IRAG1: variants seen among roughly 807,000 people sequenced by gnomAD.
IRAG1 encodes IP3R-associated cGMP kinase substrate.
Under a neutral mutation model 106.2 loss-of-function variants are expected in IRAG1, and 62 were observed. The ratio of observed to expected loss-of-function variants is 0.58; its 90% CI spans 0.48 to 0.72. The LOEUF (loss-of-function observed/expected upper bound fraction) is 0.72. IRAG1 is among the 30% of genes least tolerant of loss of function. The probability of loss-of-function intolerance (pLI) is 0.00; values close to 1 mark genes in which losing one functional copy is unlikely to be tolerated. For missense variants in IRAG1, 1,064 were observed against 1,140.7 expected (o/e 0.93, Z 0.97); for synonymous variants, 462 against 443.9 (o/e 1.04, Z -0.51).
At chr11:10,641,394 C>T (rs1021790975) in intron 2 of IRAG1, among the ~76,000 whole-genome samples, 1 of 152,226 alleles carries the variant, frequency 6.6e-6, no homozygotes, top group Non-Finnish European at 1.5e-5. Flanking sequence ...CCACTGTGGT[C>T]ACGGCGCAAT....
At chr11:10,579,394 T>C (rs1311102522) in intron 20 of IRAG1, among the ~76,000 whole-genome samples, 1 of 152,198 alleles carries the variant, frequency 6.6e-6, no homozygotes, top group Non-Finnish European at 1.5e-5. Context: ...AGCAGCTGAT[T>C]AGATATTTTG....
At chr11:10,670,858 C>A (rs1299264076) in intron 1 of IRAG1, among the ~76,000 whole-genome samples, 1 of 152,154 alleles carries the variant, frequency 6.6e-6, no homozygotes, top group Non-Finnish European at 1.5e-5. Flanking sequence ...AGGAGAGAGG[C>A]CGCAGAAGAA....
chr11:10,591,488 TA>T, intron 18 of IRAG1, 59 bp downstream of exon 18: 1 of 1,454,302 alleles, frequency 6.9e-7, no homozygotes, highest in Non-Finnish European at 9.5e-7. Flanking sequence ...GGAAGGAAAG[TA>T]AAATGGGGAA....
chr11:10,595,361 G>T (rs887669598), intron 15 of IRAG1, among the ~76,000 whole-genome samples: 1 of 151,674 alleles, frequency 6.6e-6, no homozygotes, highest in African/African-American at 2.4e-5. Flanking sequence ...TTTATTCATT[G>T]ACTTTTTCTA....
intron 1 of IRAG1, among the ~76,000 whole-genome samples, chr11:10,656,777 T>C (rs1268734573): frequency 1.3e-5 from 2 of 152,130 alleles, no homozygotes; most frequent in African/African-American, 2.4e-5. Context: ...TAATCCAGGC[T>C]AGTCTGACTC....
Position 10,626,347 on chromosome 11 carries a change from C to G in IRAG1, c.987G>C (p.Glu329Asp). 1 of 1,613,754 alleles carries G rather than the reference C, an allele frequency of 6.2e-7. No individual in the cohort carries two copies. Among genetic ancestry groups the G allele is most frequent in the Non-Finnish European group, 8.5e-7 (1 of 1,179,796 alleles). Residue 329 changes from glutamate to aspartate, a missense_variant, in exon 9 of 21, where the codon GAG becomes GAC. Glu to Asp is a conservative substitution (Grantham distance 45, BLOSUM62 2). Transcript: ENST00000423302. ...NSPQPGPVES[E>D]LGKQLLKTGW... ...CCGTTTTCAAGAGCTGCTTCCCCAG[C>G]TCGCTCTCCACGGGGCCAGGCTGAG...
At position 10,634,792 on chromosome 11, in the gene IRAG1, GAC is replaced by G. The variant is rs1182027720; in HGVS notation, c.226-723_226-722del. Among the ~76,000 whole-genome samples, 138 of 71,458 alleles carry G rather than the reference GAC, an allele frequency of 1.9e-3. 1 individual carries two copies. Among genetic ancestry groups the G allele is most frequent in the Non-Finnish European group, 1.0e-3 (35 of 34,788 alleles). The allele number at this position is 71,458 out of a possible 152,430, so 46.9% of individuals were successfully genotyped here. ...GTGTGTGTGTGTGTGTGTGTATACA[GAC>G]ACAATATTTTATTGTGTATATATTT... is the stretch of plus-strand genomic sequence containing the variant. On this transcript the variant is annotated intron_variant, in intron 2 of 20. Transcript: ENST00000423302.
chr11:10,605,805 T>G (rs1854425043), intron 12 of IRAG1, among the ~76,000 whole-genome samples: 1 of 152,224 alleles, frequency 6.6e-6, no homozygotes, highest in Non-Finnish European at 1.5e-5. Context: ...CCGGCCTTGG[T>G]CAAGTCTATG....
chr11:10,641,421 G>C (rs992086283), intron 2 of IRAG1, among the ~76,000 whole-genome samples: 11 of 152,164 alleles, frequency 7.2e-5, no homozygotes, highest in Non-Finnish European at 4.4e-5. Flanking sequence ...TCTCTCCTGG[G>C]GCATCTGACC....
chr11:10,685,726 GA>G (rs11403147), intron 1 of IRAG1, among the ~76,000 whole-genome samples: 8,028 of 135,722 alleles, frequency 0.059, 331 homozygotes, highest in African/African-American at 0.13. Context: ...TGCCTCTCTT[GA>G]AAAAAAAAAA....
At chr11:10,673,649 G>A (rs544694052) in intron 1 of IRAG1, among the ~76,000 whole-genome samples, 34 of 152,060 alleles carry the variant, frequency 2.2e-4, no homozygotes, top group East Asian at 1.9e-3. Flanking sequence ...GTCATATGGC[G>A]TGTGGATTAT....
chr11:10,643,043 C>T (rs143376586), intron 2 of IRAG1, among the ~76,000 whole-genome samples: 2,438 of 152,036 alleles, frequency 0.016, 56 homozygotes, highest in African/African-American at 0.055. Context: ...GGCATGGTGG[C>T]GGGCACCTGT....
chr11:10,690,246 C>G, intron 1 of IRAG1: 2 of 393,108 alleles, frequency 5.1e-6, no homozygotes, highest in Non-Finnish European at 4.4e-6. Context: ...AAAAATTAGC[C>G]AGGCATGGTG....
rs765612867 is a variant in IRAG1, at chr11:10,652,119, C to G, written c.131G>C (p.Arg44Pro). The G allele has an allele frequency of 2.5e-6, 4 of 1,611,416 alleles. No homozygotes were observed. Among genetic ancestry groups the G allele is most frequent in the Non-Finnish European group, 2.5e-6 (3 of 1,178,992 alleles). The change falls in exon 2 of 21, where the codon CGT (arginine) becomes CCT (proline). Residue 44 changes from arginine to proline, a missense_variant. Coordinates refer to ENST00000423302, the MANE Select transcript of IRAG1 (RefSeq NM_130385.4). ...GADAAEVPGT[R>P]GHSQQEAAMP... ...GGCAGCCTCCTGCTGGGAGTGGCCA[C>G]GTGTGCCCGGAACCTCCGCTGCGTC...
At chr11:10,613,634 T>G (rs1453104754) in intron 10 of IRAG1, among the ~76,000 whole-genome samples, 1 of 152,208 alleles carries the variant, frequency 6.6e-6, no homozygotes, top group East Asian at 1.9e-4. Flanking sequence ...GGTTACAGAA[T>G]ATGGAATGTA....
intron 1 of IRAG1, among the ~76,000 whole-genome samples, chr11:10,658,742 G>T (rs1859145353): frequency 6.6e-6 from 1 of 150,444 alleles, no homozygotes; most frequent in Admixed American, 6.6e-5. Context: ...GTCAGTCCCA[G>T]GTCCGTGCTG....
intron 4 of IRAG1, 161 bp from the exon 5 acceptor site, chr11:10,629,872 T>A: frequency 1.5e-6 from 1 of 679,284 alleles, no homozygotes; most frequent in Non-Finnish European, 2.4e-6. Context: ...GGACAGACAG[T>A]GGCTTCCTCT....
In IRAG1 at chr11:10,687,772, G is replaced by C. The variant is rs973081428; in HGVS notation, c.67+5764C>G. 2.7e-5 allele frequency: 35 copies of C among 1,288,956 alleles called. No homozygotes were observed. In the African/African-American group the frequency reaches 5.2e-4, roughly 19 times the overall value. The allele number at this position is 1,288,956 out of a possible 1,614,324, so 79.8% of individuals were successfully genotyped here. A position where few individuals can be genotyped will look rare whatever the true frequency, so the allele number is the denominator to read the frequency against. On this transcript the variant is annotated intron_variant, in intron 1 of 20. Transcript: ENST00000423302. ...ACCCAGTGCAGAAGTCTTCTTGATG[G>C]AATCTCTGGAGGGGAACAGACAGGG...
chr11:10,603,547 C>G (rs894355125), intron 13 of IRAG1, among the ~76,000 whole-genome samples: 3 of 152,120 alleles, frequency 2.0e-5, no homozygotes, highest in African/African-American at 7.2e-5. Flanking sequence ...TGCTCTCAGG[C>G]AGCTCACCTC....
Sources: gnomAD v4.1 joint callset for allele counts (sites outside exome capture counted in the v4.1 genomes callset) on GRCh38, gnomAD v4.1.1 for gene constraint, MANE v1.5 for transcripts, NCBI Gene and HGNC (gene_info 2026-07-23, HGNC 2026-07-21) for gene names.